The following SLC7A8 variants were observed in gnomAD, a reference collection of about 807,000 sequenced individuals.
SLC7A8 encodes the protein large neutral amino acids transporter small subunit 2.
SLC7A8 carries 30 observed loss-of-function variants against 51.2 expected under a neutral mutation model. The ratio of observed to expected loss-of-function variants is 0.59; its 90% CI spans 0.44 to 0.80. The LOEUF (loss-of-function observed/expected upper bound fraction) is 0.80. Ranked by LOEUF, SLC7A8 falls within the 30% of genes least tolerant of loss-of-function variation. SLC7A8 has a pLI of 0.00. For missense variants in SLC7A8, 612 were observed against 674.4 expected (o/e 0.91, Z 1.03); for synonymous variants, 257 against 275.8 (o/e 0.93, Z 0.67).
chr14:23,140,707 A>T (rs10151002), intron 4 of SLC7A8, 83 bp from the exon 5 acceptor site: 1,353,523 of 1,376,716 alleles, frequency 0.98, 668,307 homozygotes, highest in East Asian at 1. Context: ...CCCACCTCTC[A>T]CCCCTCCCTG....
intron 3 of SLC7A8, among the ~76,000 whole-genome samples, chr14:23,149,601 A>G (rs538161801): frequency 6.6e-6 from 1 of 152,338 alleles, no homozygotes; most frequent in Non-Finnish European, 1.5e-5. Flanking sequence ...GAGTCTGAGT[A>G]CACTCTTCAC....
At position 23,151,554 on chromosome 14, in the gene SLC7A8, C is replaced by T. The variant is rs144690276; in HGVS notation, c.509-8350G>A. 2.8e-3 allele frequency among the ~76,000 whole-genome samples: 425 copies of T among 151,906 alleles called. 3 individuals are homozygous for T. Among genetic ancestry groups the T allele is most frequent in the African/African-American group, 9.8e-3 (404 of 41,410 alleles). ...GGAGGATCAATTGAGGCCAGAAGTT[C>T]GAGGCCAGCCTGGGCAACACAGCAA... On this transcript the variant is annotated intron_variant, in intron 3 of 10. Coordinates refer to ENST00000316902, the MANE Select transcript of SLC7A8 (RefSeq NM_012244.4).
chr14:23,156,625 CA>C (rs2048894724), intron 3 of SLC7A8, among the ~76,000 whole-genome samples: 1 of 152,172 alleles, frequency 6.6e-6, no homozygotes, highest in South Asian at 2.1e-4. Context: ...CTGAGAAAAA[CA>C]AAGTGATCCT....
intron 3 of SLC7A8, among the ~76,000 whole-genome samples, chr14:23,154,860 GC>G (rs1270904429): frequency 4.1e-4 from 62 of 151,742 alleles, no homozygotes; most frequent in African/African-American, 1.5e-3. Flanking sequence ...CGGGTGAGGG[GC>G]CCACATTATA....
At chr14:23,139,880 G>A (rs2048726773) in intron 5 of SLC7A8, among the ~76,000 whole-genome samples, 1 of 152,098 alleles carries the variant, frequency 6.6e-6, no homozygotes, top group Admixed American at 6.6e-5. Flanking sequence ...GGTGGCATGT[G>A]CCTGTAGTCC....
chr14:23,166,046 GTGT>G (rs1218580064), intron 2 of SLC7A8, among the ~76,000 whole-genome samples: 2 of 152,184 alleles, frequency 1.3e-5, no homozygotes, highest in Non-Finnish European at 2.9e-5. Context: ...TCTATGGTCA[GTGT>G]TGTTACACAG....
At chr14:23,174,784 T>C (rs1594841644) in intron 1 of SLC7A8, among the ~76,000 whole-genome samples, 1 of 152,288 alleles carries the variant, frequency 6.6e-6, no homozygotes, top group East Asian at 1.9e-4. Flanking sequence ...GGGGGCCTGC[T>C]CTGTAGACGC....
chr14:23,180,050 CAT>C (rs1416172768), intron 1 of SLC7A8, among the ~76,000 whole-genome samples: 3 of 151,940 alleles, frequency 2.0e-5, no homozygotes, highest in Non-Finnish European at 2.9e-5. Flanking sequence ...GGACTACAGG[CAT>C]GCGCCACGAC....
At chr14:23,150,640 TG>T (rs2048838573) in intron 3 of SLC7A8, among the ~76,000 whole-genome samples, 1 of 152,194 alleles carries the variant, frequency 6.6e-6, no homozygotes, top group East Asian at 1.9e-4. Context: ...TTGCATAAAA[TG>T]TTAAATGATT....
chr14:23,164,189 T>C (rs920659201), intron 3 of SLC7A8, among the ~76,000 whole-genome samples: 4 of 152,226 alleles, frequency 2.6e-5, no homozygotes, highest in Admixed American at 1.3e-4. Context: ...TATCTGTCTA[T>C]ATGGCTTTTC....
Position 23,128,226 on chromosome 14 carries a change from C to T in SLC7A8, c.1264-30G>A. On this transcript the variant is annotated intron_variant, in intron 9 of 10. Coordinates refer to ENST00000316902, the MANE Select transcript of SLC7A8 (RefSeq NM_012244.4). The surrounding 1 kb of genome is among the most constrained non-coding windows in gnomAD (Gnocchi z 4.3). ...GGAGCAGAGGCATGAGGCGTATGAACTGTGTAGGCCACGTGGCCCCCAGGA... is the reference window on the plus strand; with the variant it reads ...GGAGCAGAGGCATGAGGCGTATGAATTGTGTAGGCCACGTGGCCCCCAGGA... 6.2e-7 allele frequency: 1 copy of T among 1,612,616 alleles called. No homozygotes were observed. The highest frequency in any genetic ancestry group is 8.5e-7 in the Non-Finnish European group (1 of 1,179,316).
At position 23,139,420 on chromosome 14, in the gene SLC7A8, T is replaced by C. The variant is rs2048721008; in HGVS notation, c.912+4A>G. On this transcript the variant is annotated splice_donor_region_variant and intron_variant, in intron 6 of 10. Transcript: ENST00000316902. ...TATGAGACTCTGGGACTTTCATTTC[T>C]TACCACAGCGACGGCGTTGGATGCC... 8 of 1,613,944 alleles carry C rather than the reference T, an allele frequency of 5.0e-6. No individual in the cohort carries two copies. The East Asian group carries it at 1.8e-4, about 36-fold the overall frequency.
intron 3 of SLC7A8, among the ~76,000 whole-genome samples, chr14:23,153,409 C>A (rs912647381): frequency 6.6e-6 from 1 of 152,180 alleles, no homozygotes; most frequent in Non-Finnish European, 1.5e-5. Flanking sequence ...ACAGATCACT[C>A]TGCTTTCCCT....
At position 23,155,098 on chromosome 14, in the gene SLC7A8, C is replaced by G; in HGVS notation, c.508+10187G>C. On this transcript the variant is annotated intron_variant, in intron 3 of 10. Coordinates refer to ENST00000316902, the MANE Select transcript of SLC7A8 (RefSeq NM_012244.4). ...CACAGTGGGGAGTGTGGTTTTGAAA[C>G]AGATCTTGCCTATCGCACGATAGTA... 2.1e-6 allele frequency: 3 copies of G among 1,407,130 alleles called. No homozygotes were observed. In the South Asian group the frequency reaches 3.7e-5, roughly 18 times the overall value. The allele number at this position is 1,407,130 out of a possible 1,614,324, so 87.2% of individuals were successfully genotyped here.
chr14:23,154,056 T>C lies in SLC7A8; in HGVS notation c.509-10852A>G, dbSNP rs530910154. Among the ~76,000 whole-genome samples, 4 of 152,246 alleles carry C rather than the reference T, an allele frequency of 2.6e-5. No individual in the cohort carries two copies. The South Asian group carries it at 8.3e-4, about 32-fold the overall frequency. On this transcript the variant is annotated intron_variant, in intron 3 of 10. Coordinates refer to ENST00000316902, the MANE Select transcript of SLC7A8 (RefSeq NM_012244.4). ...GAGCAGAACAGAGAGAGGCCAGGAC[T>C]GAAAACAGCAAGATGGAATGTACTA...
At chr14:23,134,988 A>AACT (rs2048675265) in intron 7 of SLC7A8, among the ~76,000 whole-genome samples, 1 of 152,168 alleles carries the variant, frequency 6.6e-6, no homozygotes, top group African/African-American at 2.4e-5. Context: ...GCTGGTCTGG[A>AACT]ACTACTGGGC....
Position 23,128,004 on chromosome 14 carries a change from C to T in SLC7A8, c.1441+15G>A, listed in dbSNP as rs1253369252. The T allele has an allele frequency of 6.2e-7, 1 of 1,608,630 alleles. No individual in the cohort carries two copies. The highest frequency in any genetic ancestry group is 8.5e-7 in the Non-Finnish European group (1 of 1,176,206). On this transcript the variant is annotated intron_variant, in intron 10 of 10. Transcript: ENST00000316902. This position sits in a 1 kb window ranked among gnomAD's most constrained non-coding sequence, Gnocchi z 4.3. ...CAGGAGGCCCTGAAGCCAGCCAGAG[C>T]CTCCAACAACTCACCAATGAAGTCA...
chr14:23,164,136 C>T (rs35679158), intron 3 of SLC7A8, among the ~76,000 whole-genome samples: 9 of 152,268 alleles, frequency 5.9e-5, no homozygotes, highest in Admixed American at 2.0e-4. Context: ...CCATGCCTAG[C>T]TCCCTTCTCT....
At chr14:23,173,290 G>A (rs185004262) in intron 1 of SLC7A8, among the ~76,000 whole-genome samples, 2 of 152,240 alleles carry the variant, frequency 1.3e-5, no homozygotes, top group African/African-American at 4.8e-5. Flanking sequence ...GATTTTAATG[G>A]GTGGAAAAAA....
Sources: gnomAD v4.1 joint callset for allele counts (sites outside exome capture counted in the v4.1 genomes callset) on GRCh38, gnomAD v4.1.1 for gene constraint, Gnocchi (gnomAD v3.1) non-coding constraint, MANE v1.5 for transcripts, NCBI Gene and HGNC (gene_info 2026-07-23, HGNC 2026-07-21) for gene names.